FAM110B: variants seen among roughly 807,000 people sequenced by gnomAD.
FAM110B encodes protein FAM110B.
Under a neutral mutation model 20.4 loss-of-function variants are expected in FAM110B, and 6 were observed. That is an observed-to-expected ratio of 0.29 (90% CI 0.16 to 0.58). The LOEUF is 0.58. FAM110B is among the 20% of genes least tolerant of loss of function. The pLI, the probability that FAM110B is intolerant of heterozygous loss-of-function variation, is 0.90. For synonymous variants in FAM110B, 226 were observed against 214.1 expected (o/e 1.06, Z -0.49); for missense variants, 434 against 498.2 (o/e 0.87, Z 1.23).
chr8:58,095,514 A>T (rs1806599444), intron 3 of FAM110B, among the ~76,000 whole-genome samples: 1 of 152,160 alleles, frequency 6.6e-6, no homozygotes, highest in Non-Finnish European at 1.5e-5. Flanking sequence ...GTCATTCAGG[A>T]GCAGGTTGTT....
rs143160220 is a variant in FAM110B, at chr8:58,053,631, A to G, written c.-413-21904A>G. On this transcript the variant is annotated intron_variant, in intron 2 of 3. Transcript: ENST00000519262. ...TCTAAAGCCATGAGGTCCCTAAGGC[A>G]GTCAGTATAGATAGGCAAGAAAAAT... 5.4e-4 allele frequency among the ~76,000 whole-genome samples: 83 copies of G among 152,350 alleles called. 1 individual carries two copies. The highest frequency in any genetic ancestry group is 1.9e-3 in the African/African-American group (80 of 41,580).
At chr8:58,067,462 CCTT>C (rs1335262430) in intron 2 of FAM110B, among the ~76,000 whole-genome samples, 2 of 152,176 alleles carry the variant, frequency 1.3e-5, no homozygotes, top group Non-Finnish European at 2.9e-5. Flanking sequence ...TGTGTCTCCT[CCTT>C]CCTCCTCCAT....
rs527810082 is a variant in FAM110B, at chr8:58,044,593, A to G, written c.-414+12890A>G. Among the ~76,000 whole-genome samples the G allele has an allele frequency of 6.6e-5, 10 of 152,370 alleles. No individual in the cohort carries two copies. The South Asian group carries it at 2.1e-3, about 32-fold the overall frequency. Reference sequence around the variant, plus strand: ...GTACCTGCACTCATTTCTAATTTAGATGGACCTTAGTAGCCAGACTATGGA... The same window carrying G: ...GTACCTGCACTCATTTCTAATTTAGGTGGACCTTAGTAGCCAGACTATGGA... On this transcript the variant is annotated intron_variant, in intron 2 of 3. Transcript: ENST00000519262.
At chr8:58,127,903 G>A (rs1484699298) in intron 3 of FAM110B, among the ~76,000 whole-genome samples, 1 of 152,100 alleles carries the variant, frequency 6.6e-6, no homozygotes, top group East Asian at 1.9e-4. Flanking sequence ...TTAGCGCAGT[G>A]GTTCTCAAAT....
intron 3 of FAM110B, among the ~76,000 whole-genome samples, chr8:58,132,733 C>G (rs1284932425): frequency 6.6e-6 from 1 of 152,146 alleles, no homozygotes; most frequent in East Asian, 1.9e-4. Context: ...ATTGAAGGTG[C>G]CTGTGCCCAA....
chr8:58,085,744 C>G (rs978236900), intron 3 of FAM110B, among the ~76,000 whole-genome samples: 3 of 152,122 alleles, frequency 2.0e-5, no homozygotes, highest in Admixed American at 6.5e-5. Context: ...TTGAACCCCC[C>G]ACAGATGACC....
chr8:58,058,377 T>A (rs2150583991), intron 2 of FAM110B, among the ~76,000 whole-genome samples: 1 of 148,800 alleles, frequency 6.7e-6, no homozygotes, highest in Admixed American at 6.7e-5. Context: ...TCATATAAAG[T>A]ATATATTAAT....
At chr8:58,074,676 G>A (rs1176986791) in intron 2 of FAM110B, among the ~76,000 whole-genome samples, 2 of 152,216 alleles carry the variant, frequency 1.3e-5, no homozygotes, top group Non-Finnish European at 2.9e-5. Context: ...GAATGAATGA[G>A]AGAATTAATG....
At chr8:58,115,623 A>C (rs574896115) in intron 3 of FAM110B, among the ~76,000 whole-genome samples, 1 of 152,118 alleles carries the variant, frequency 6.6e-6, no homozygotes, top group Non-Finnish European at 1.5e-5. Context: ...CGAACTCATG[A>C]CATCAGGTGA....
intron 3 of FAM110B, among the ~76,000 whole-genome samples, chr8:58,128,927 A>G (rs1020534996): frequency 9.2e-5 from 14 of 152,162 alleles, no homozygotes; most frequent in Non-Finnish European, 2.1e-4. Context: ...TTGGCTCTTC[A>G]TAGACGTATT....
intron 3 of FAM110B, among the ~76,000 whole-genome samples, chr8:58,110,589 A>G (rs1176553003): frequency 2.6e-5 from 4 of 152,204 alleles, no homozygotes; most frequent in Non-Finnish European, 5.9e-5. Context: ...TCTTTTTATC[A>G]TGATCTTTAT....
intron 1 of FAM110B, among the ~76,000 whole-genome samples, chr8:58,004,205 C>T (rs1174352075): frequency 6.6e-6 from 1 of 152,202 alleles, no homozygotes; most frequent in Non-Finnish European, 1.5e-5. Context: ...AGATGGATTG[C>T]TTGCCTGCCA....
Position 58,148,139 on chromosome 8 carries a change from T to TA in FAM110B, c.*809dup, listed in dbSNP as rs58388044. ...CCCTAAAACAAATACTGAATGCCTTTAAAAAAAAAAAAAGTTGTGGTTTTT... is the reference window on the plus strand; with the variant it reads ...CCCTAAAACAAATACTGAATGCCTTTAAAAAAAAAAAAAAGTTGTGGTTTTT... On this transcript the variant is annotated 3_prime_UTR_variant, in exon 4 of 4. Coordinates refer to ENST00000519262, the MANE Select transcript of FAM110B (RefSeq NM_001377989.1). 73 of 140,892 alleles carry TA rather than the reference T, an allele frequency of 5.2e-4. No individual in the cohort carries two copies. The highest frequency in any genetic ancestry group is 2.4e-4 in the South Asian group (1 of 4,222). 8.7% of individuals were successfully genotyped at this position (140,892 alleles called of 1,614,324 possible). A position where few individuals can be genotyped will look rare whatever the true frequency, so the allele number is the denominator to read the frequency against.
intron 3 of FAM110B, among the ~76,000 whole-genome samples, chr8:58,131,274 C>CT (rs527262989): frequency 5.9e-5 from 9 of 151,378 alleles, no homozygotes; most frequent in Non-Finnish European, 1.2e-4. Flanking sequence ...AACATGCTGC[C>CT]TTTTTTTTTC....
chr8:58,075,273 T>TGTGTGTGTGTGTGTGTGTGTGTGTG lies in FAM110B; in HGVS notation c.-413-262_-413-261insGTGTGTGTGTGTGTGTGTGTGTGTG, dbSNP rs58047108. ...TGAACTAATTTTTGCTTTTTTTTTT[T>TGTGTGTGTGTGTGTGTGTGTGTGTG]TTTGTGTGTGTGTGTGTGTGTGTTT... is the stretch of plus-strand genomic sequence containing the variant. On this transcript the variant is annotated intron_variant, in intron 2 of 3. Coordinates refer to ENST00000519262, the MANE Select transcript of FAM110B (RefSeq NM_001377989.1). 1.8e-3 allele frequency among the ~76,000 whole-genome samples: 255 copies of TGTGTGTGTGTGTGTGTGTGTGTGTG among 145,064 alleles called. 3 individuals are homozygous for TGTGTGTGTGTGTGTGTGTGTGTGTG. The highest frequency in any genetic ancestry group is 6.6e-3 in the African/African-American group (239 of 36,232).
At position 58,073,212 on chromosome 8, in the gene FAM110B, T is replaced by G. The variant is rs147584873; in HGVS notation, c.-413-2323T>G. Among the ~76,000 whole-genome samples, 42 of 152,308 alleles carry G rather than the reference T, an allele frequency of 2.8e-4. 1 individual carries two copies. In the East Asian group the frequency reaches 8.1e-3, roughly 29 times the overall value. On this transcript the variant is annotated intron_variant, in intron 2 of 3. Transcript: ENST00000519262. ...GAAAATAGAAGGCACAGTCCCTTCC[T>G]GTAAGAAGTGACTACTGAGGAAGAG...
intron 1 of FAM110B, among the ~76,000 whole-genome samples, chr8:57,998,406 A>G (rs1371636576): frequency 6.6e-6 from 1 of 152,208 alleles, no homozygotes; most frequent in African/African-American, 2.4e-5. Context: ...CTTAGGTTAA[A>G]GGAGGTTTAT....
intron 2 of FAM110B, among the ~76,000 whole-genome samples, chr8:58,053,075 G>A (rs1293195836): frequency 2.6e-5 from 4 of 151,482 alleles, no homozygotes; most frequent in Non-Finnish European, 5.9e-5. Context: ...GTGAGCCACC[G>A]CGCCCGGCCG....
chr8:58,098,315 G>T (rs192123760), intron 3 of FAM110B, among the ~76,000 whole-genome samples: 3 of 152,306 alleles, frequency 2.0e-5, no homozygotes, highest in Non-Finnish European at 4.4e-5. Flanking sequence ...CACCCAGTTC[G>T]AACTTCCTGG....
Sources: gnomAD v4.1 joint callset for allele counts (sites outside exome capture counted in the v4.1 genomes callset) on GRCh38, gnomAD v4.1.1 for gene constraint, MANE v1.5 for transcripts, NCBI Gene and HGNC (gene_info 2026-07-23, HGNC 2026-07-21) for gene names.